The following AGBL1 variants were observed in gnomAD, a reference collection of about 807,000 sequenced individuals.
AGBL1 encodes AGBL carboxypeptidase 1.
In AGBL1, 130 loss-of-function variants were observed where a neutral mutation model predicts 118.9. That is an observed-to-expected ratio of 1.09 (90% CI 0.95 to 1.26). AGBL1 has a LOEUF of 1.26. Ranked by LOEUF, AGBL1 falls within the 50% of genes most tolerant of loss-of-function variation. The probability of loss-of-function intolerance (pLI) is 0.00; values close to 1 mark genes in which losing one functional copy is unlikely to be tolerated. For synonymous variants in AGBL1, 555 were observed against 478.9 expected (o/e 1.16, Z -2.08); for missense variants, 1,584 against 1,298.1 (o/e 1.22, Z -3.38).
At position 86,911,724 on chromosome 15, in the gene AGBL1, A is replaced by C. The variant is rs759639688; in HGVS notation, c.*4430A>C. On this transcript the variant is annotated 3_prime_UTR_variant, in exon 23 of 23. Coordinates refer to ENST00000614907, the MANE Select transcript of AGBL1 (RefSeq NM_001386094.1). ...TTTTCACATTTTTCCTCTGCCTCTGATAAGAATCTCCCATTCTCTCATTTG... is the reference window on the plus strand; with the variant it reads ...TTTTCACATTTTTCCTCTGCCTCTGCTAAGAATCTCCCATTCTCTCATTTG... The C allele has an allele frequency of 6.6e-6, 1 of 152,160 alleles. No individual in the cohort carries two copies. Among genetic ancestry groups the C allele is most frequent in the African/African-American group, 2.4e-5 (1 of 41,424 alleles). The allele number at this position is 152,160 out of a possible 1,614,324, so 9.4% of individuals were successfully genotyped here.
chr15:86,473,159 C>T (rs146070225), intron 18 of AGBL1, among the ~76,000 whole-genome samples: 165 of 152,194 alleles, frequency 1.1e-3, no homozygotes, highest in African/African-American at 3.6e-3. Context: ...GGTTTCATCC[C>T]AATTTCTCCT....
intron 16 of AGBL1, among the ~76,000 whole-genome samples, chr15:86,284,271 G>T (rs1454405800): frequency 6.7e-6 from 1 of 149,634 alleles, no homozygotes; most frequent in Non-Finnish European, 1.5e-5. Context: ...AATTGATTAT[G>T]ATTATTTTTT....
intron 5 of AGBL1, among the ~76,000 whole-genome samples, chr15:86,188,320 T>C (rs1052551686): frequency 2.0e-5 from 3 of 152,104 alleles, no homozygotes; most frequent in Non-Finnish European, 4.4e-5. Flanking sequence ...GAATAAAAAG[T>C]TTCCCCCAGC....
At chr15:86,845,928 C>T (rs2079311144) in intron 22 of AGBL1, among the ~76,000 whole-genome samples, 1 of 152,090 alleles carries the variant, frequency 6.6e-6, no homozygotes, top group African/African-American at 2.4e-5. Flanking sequence ...TGACACAGAC[C>T]CAGTGAAGCA....
At chr15:86,650,056 A>G (rs1463900866) in intron 21 of AGBL1, among the ~76,000 whole-genome samples, 1 of 152,224 alleles carries the variant, frequency 6.6e-6, no homozygotes, top group Non-Finnish European at 1.5e-5. Flanking sequence ...ATGGACATGT[A>G]AAAATAGTCT....
intron 22 of AGBL1, among the ~76,000 whole-genome samples, chr15:86,894,279 G>C (rs2080091860): frequency 6.6e-6 from 1 of 152,178 alleles, no homozygotes; most frequent in African/African-American, 2.4e-5. Context: ...TGCAAATGGT[G>C]AGTATGAATT....
At chr15:86,573,383 C>G (rs375840306) in intron 21 of AGBL1, among the ~76,000 whole-genome samples, 2 of 152,122 alleles carry the variant, frequency 1.3e-5, no homozygotes, top group African/African-American at 4.8e-5. Context: ...GCAATAACAG[C>G]AGAGTATGGA....
intron 10 of AGBL1, among the ~76,000 whole-genome samples, chr15:86,263,973 T>C (rs1201714868): frequency 1.3e-5 from 2 of 152,192 alleles, no homozygotes; most frequent in Non-Finnish European, 2.9e-5. Context: ...CCCCCATAAA[T>C]ATGGTTTTCC....
rs758995625 is a variant in AGBL1, at chr15:86,224,871, G to C, written c.489-43G>C. On this transcript the variant is annotated intron_variant, in intron 5 of 22. Transcript: ENST00000614907. Reference sequence around the variant, plus strand: ...TGTGGGATCCATGTGCTGAGAAAAAGACCATTGAATGTTGACTGTTACTTT... The same window carrying C: ...TGTGGGATCCATGTGCTGAGAAAAACACCATTGAATGTTGACTGTTACTTT... 1.4e-5 allele frequency: 22 copies of C among 1,606,014 alleles called. No individual in the cohort carries two copies. The East Asian group carries it at 2.2e-4, about 16-fold the overall frequency.
intron 1 of AGBL1, among the ~76,000 whole-genome samples, chr15:86,128,676 A>C (rs2076779857): frequency 6.6e-6 from 1 of 152,190 alleles, no homozygotes; most frequent in African/African-American, 2.4e-5. Context: ...TATGTAAGTT[A>C]TGCTAACTTA....
chr15:86,501,249 T>A (rs1463863338), intron 18 of AGBL1, among the ~76,000 whole-genome samples: 1 of 151,748 alleles, frequency 6.6e-6, no homozygotes. Context: ...ATTTACCTAA[T>A]GACTAATGAT....
intron 18 of AGBL1, among the ~76,000 whole-genome samples, chr15:86,417,860 C>T (rs1453176945): frequency 2.0e-5 from 3 of 152,166 alleles, no homozygotes; most frequent in South Asian, 2.1e-4. Context: ...ATTCATGAAG[C>T]CTGAAGCATG....
At chr15:86,373,921 T>A (rs996684898) in intron 17 of AGBL1, among the ~76,000 whole-genome samples, 45 of 152,224 alleles carry the variant, frequency 3.0e-4, no homozygotes, top group Non-Finnish European at 2.6e-4. Context: ...AATACAGGGC[T>A]TGCTGTATAG....
chr15:86,752,538 A>G (rs2077870739), intron 22 of AGBL1, among the ~76,000 whole-genome samples: 1 of 152,230 alleles, frequency 6.6e-6, no homozygotes, highest in African/African-American at 2.4e-5. Flanking sequence ...TCACCTTCCC[A>G]GATCCATGCT....
chr15:86,861,040 C>T (rs982394273), intron 22 of AGBL1, among the ~76,000 whole-genome samples: 6 of 151,938 alleles, frequency 3.9e-5, no homozygotes, highest in Non-Finnish European at 7.4e-5. Context: ...TTAAGGAGGT[C>T]GCAGGGGTCT....
At chr15:86,790,814 A>T (rs1184049958) in intron 22 of AGBL1, among the ~76,000 whole-genome samples, 3 of 152,164 alleles carry the variant, frequency 2.0e-5, no homozygotes, top group Non-Finnish European at 4.4e-5. Flanking sequence ...TAACAGTTCT[A>T]TGTGGTAGCA....
intron 23 of AGBL1, among the ~76,000 whole-genome samples, chr15:86,921,358 A>G (rs2080480198): frequency 6.6e-6 from 1 of 152,192 alleles, no homozygotes. Flanking sequence ...TCTGAGGTCT[A>G]CGTGCCAGTG....
intron 9 of AGBL1, among the ~76,000 whole-genome samples, chr15:86,261,744 A>G (rs541255666): frequency 1.3e-5 from 2 of 152,174 alleles, no homozygotes; most frequent in Non-Finnish European, 2.9e-5. Flanking sequence ...ACAAGTATTC[A>G]GAGGAGAGTC....
chr15:86,902,104 GT>G (rs1442430926), intron 22 of AGBL1, among the ~76,000 whole-genome samples: 4 of 152,090 alleles, frequency 2.6e-5, no homozygotes, highest in Non-Finnish European at 5.9e-5. Flanking sequence ...GTGGACATAA[GT>G]TTTTATATAC....
Sources: gnomAD v4.1 joint callset for allele counts (sites outside exome capture counted in the v4.1 genomes callset) on GRCh38, gnomAD v4.1.1 for gene constraint, MANE v1.5 for transcripts, NCBI Gene and HGNC (gene_info 2026-07-23, HGNC 2026-07-21) for gene names.